Variants in CDH13 observed in about 807,000 individuals in gnomAD.
The protein encoded by CDH13 is cadherin 13, also known as cadherin-13.
A neutral mutation model predicts 63.8 loss-of-function variants in CDH13; 24 were observed. The ratio of observed to expected loss-of-function variants is 0.38; its 90% CI spans 0.27 to 0.53. The LOEUF is 0.53. CDH13 is among the 20% of genes least tolerant of loss of function. The pLI, the probability that CDH13 is intolerant of heterozygous loss-of-function variation, is 0.85. For synonymous variants in CDH13, 503 were observed against 355.3 expected, an observed-to-expected ratio of 1.42 and a Z score of -4.67; for missense variants, 1,049 against 903.1, an observed-to-expected ratio of 1.16 and a Z score of -2.07.
At chr16:83,161,288 G>A (rs1217600844) in intron 4 of CDH13, among the ~76,000 whole-genome samples, 3 of 152,104 alleles carry the variant, frequency 2.0e-5, no homozygotes, top group Non-Finnish European at 2.9e-5. Flanking sequence ...CTAGCACTTT[G>A]GGAGGCTAAG....
At chr16:83,591,087 G>T (rs368832321) in intron 7 of CDH13, among the ~76,000 whole-genome samples, 8 of 151,456 alleles carry the variant, frequency 5.3e-5, no homozygotes, top group African/African-American at 1.7e-4. Flanking sequence ...ATTTTTGTAT[G>T]TTTAGTAGAG....
intron 10 of CDH13, among the ~76,000 whole-genome samples, chr16:83,732,798 A>G (rs1279866898): frequency 6.6e-6 from 1 of 152,162 alleles, no homozygotes; most frequent in Non-Finnish European, 1.5e-5. Flanking sequence ...ATTCAGCTGC[A>G]CTTGTCATCA....
At chr16:82,818,066 C>G (rs768078225) in intron 1 of CDH13, among the ~76,000 whole-genome samples, 1 of 151,876 alleles carries the variant, frequency 6.6e-6, no homozygotes, top group Non-Finnish European at 1.5e-5. Context: ...ACTATACGCA[C>G]AATGCACACA....
At chr16:83,330,222 C>G (rs1018744803) in intron 5 of CDH13, among the ~76,000 whole-genome samples, 2 of 152,134 alleles carry the variant, frequency 1.3e-5, no homozygotes, top group Non-Finnish European at 2.9e-5. Flanking sequence ...CACACACATG[C>G]ACACACACAG....
chr16:82,801,519 C>G (rs2036852881), intron 1 of CDH13, among the ~76,000 whole-genome samples: 1 of 152,226 alleles, frequency 6.6e-6, no homozygotes, highest in Admixed American at 6.5e-5. Context: ...TCAGCCCTTG[C>G]TCACAGATGT....
At chr16:83,769,437 C>T (rs565727786) in intron 11 of CDH13, among the ~76,000 whole-genome samples, 1 of 152,218 alleles carries the variant, frequency 6.6e-6, no homozygotes, top group East Asian at 1.9e-4. Flanking sequence ...AGGCCTGGTA[C>T]AAGAAAAGTG....
In CDH13 at chr16:83,265,005, G is replaced by T. The variant is rs142309344; in HGVS notation, c.636+47508G>T. ...GTCACCTATCATTTTGTTTTTCCAG[G>T]TGTTAATAATTATTTCTTCATTTGT... On this transcript the variant is annotated intron_variant, in intron 5 of 13. Transcript: ENST00000567109. 3.4e-3 allele frequency among the ~76,000 whole-genome samples: 524 copies of T among 152,050 alleles called. 4 individuals are homozygous for T. The highest frequency in any genetic ancestry group is 0.012 in the African/African-American group (504 of 41,478).
At chr16:83,365,330 C>T (rs905241611) in intron 6 of CDH13, among the ~76,000 whole-genome samples, 4 of 152,148 alleles carry the variant, frequency 2.6e-5, no homozygotes, top group Non-Finnish European at 5.9e-5. Flanking sequence ...TGTTCAGACC[C>T]GTAAGTGAGT....
chr16:82,643,906 C>T (rs1052969180), intron 1 of CDH13, among the ~76,000 whole-genome samples: 12 of 110,530 alleles, frequency 1.1e-4, no homozygotes, highest in Non-Finnish European at 2.2e-4. Context: ...ACCACCAGGC[C>T]CAGTTAATTA....
rs1276137885 is a variant in CDH13, at chr16:82,666,120, A to G, written c.45+38983A>G. Among the ~76,000 whole-genome samples, 4 of 152,144 alleles carry G rather than the reference A, an allele frequency of 2.6e-5. No individual in the cohort carries two copies. In the East Asian group the frequency reaches 7.7e-4, roughly 29 times the overall value. On this transcript the variant is annotated intron_variant, in intron 1 of 13. Transcript: ENST00000567109. Reference sequence around the variant, plus strand: ...AAGTTAATGGCATCCCTCTCTGCCTATAACGATCTCACGTCTGTTTTTTTG... The same window carrying G: ...AAGTTAATGGCATCCCTCTCTGCCTGTAACGATCTCACGTCTGTTTTTTTG...
At chr16:82,895,633 T>C (rs979955504) in intron 2 of CDH13, among the ~76,000 whole-genome samples, 2 of 151,976 alleles carry the variant, frequency 1.3e-5, no homozygotes, top group African/African-American at 2.4e-5. Context: ...CTTTGAATTA[T>C]GTGAGGTAGT....
chr16:83,073,557 A>C (rs1279931827), intron 3 of CDH13, among the ~76,000 whole-genome samples: 2 of 152,232 alleles, frequency 1.3e-5, no homozygotes, highest in Admixed American at 6.5e-5. Context: ...AGCCCTCCCT[A>C]AAACTCTCCT....
chr16:83,176,699 A>C (rs1376890775), intron 4 of CDH13, among the ~76,000 whole-genome samples: 1 of 151,978 alleles, frequency 6.6e-6, no homozygotes, highest in African/African-American at 2.4e-5. Flanking sequence ...TACTGTCTTA[A>C]AAGGGGGTTG....
chr16:83,370,068 C>T (rs1231097633), intron 6 of CDH13, among the ~76,000 whole-genome samples: 4 of 152,202 alleles, frequency 2.6e-5, no homozygotes, highest in African/African-American at 7.2e-5. Context: ...TCTCCTGCTA[C>T]TCAAGTATCT....
intron 6 of CDH13, among the ~76,000 whole-genome samples, chr16:83,419,278 G>T (rs539573557): frequency 4.5e-4 from 69 of 152,268 alleles, no homozygotes; most frequent in African/African-American, 1.6e-3. Context: ...GTCTTTGGAA[G>T]ATGCCTCTTC....
At chr16:83,657,333 G>C (rs1351040694) in intron 8 of CDH13, among the ~76,000 whole-genome samples, 1 of 152,144 alleles carries the variant, frequency 6.6e-6, no homozygotes, top group Non-Finnish European at 1.5e-5. Context: ...GGTCAAACAA[G>C]GTGTCCCCCA....
intron 4 of CDH13, among the ~76,000 whole-genome samples, chr16:83,195,821 G>A (rs951510472): frequency 4.6e-5 from 7 of 152,146 alleles, no homozygotes; most frequent in East Asian, 1.9e-4. Context: ...CCACACAAAC[G>A]TGTCCAACTG....
At chr16:82,820,462 TTAAG>T (rs1315058579) in intron 1 of CDH13, among the ~76,000 whole-genome samples, 4 of 152,202 alleles carry the variant, frequency 2.6e-5, no homozygotes, top group South Asian at 2.1e-4. Context: ...CACAGAGAAT[TTAAG>T]TAACCTCCCC....
chr16:83,611,214 A>G (rs966287277), intron 8 of CDH13, among the ~76,000 whole-genome samples: 2 of 149,212 alleles, frequency 1.3e-5, no homozygotes, highest in East Asian at 2.0e-4. Context: ...ACATGTTGCA[A>G]TTTTTTTTTT....
Sources: allele counts gnomAD v4.1 joint callset (sites outside exome capture counted in the v4.1 genomes callset), GRCh38; gene constraint gnomAD v4.1.1; transcripts MANE v1.5; gene names NCBI Gene and HGNC (gene_info 2026-07-23, HGNC 2026-07-21).